The following STAB2 variants were observed in gnomAD, a reference collection of about 807,000 sequenced individuals.
The protein encoded by STAB2 is stabilin-2.
STAB2 carries 288 observed loss-of-function variants against 338.1 expected under a neutral mutation model. That is an observed-to-expected ratio of 0.85 (90% confidence interval 0.77 to 0.94). The LOEUF (loss-of-function observed/expected upper bound fraction) is 0.94. STAB2 is among the 40% of genes least tolerant of loss of function. The pLI is 0.00. For missense variants in STAB2, 3,141 were observed against 3,210.1 expected (o/e 0.98, Z 0.52); for synonymous variants, 1,202 against 1,193.3 (o/e 1.01, Z -0.15).
Position 103,590,882 on chromosome 12 carries a change from T to A in STAB2, c.82-15T>A. 1 of 1,613,966 alleles carries A rather than the reference T, an allele frequency of 6.2e-7. No individual in the cohort carries two copies. Among genetic ancestry groups the A allele is most frequent in the Non-Finnish European group, 8.5e-7 (1 of 1,179,948 alleles). ...ATAACAGGAATTAATGTTCTTTTTT[T>A]TAATATTTACACAGGCAAGAAGATG... On this transcript the variant is annotated splice_polypyrimidine_tract_variant and intron_variant, in intron 1 of 68. Transcript: ENST00000388887.
chr12:103,686,964 C>T (rs1195419969), intron 27 of STAB2, among the ~76,000 whole-genome samples: 1 of 152,190 alleles, frequency 6.6e-6, no homozygotes, highest in African/African-American at 2.4e-5. Flanking sequence ...ATTACTCAGG[C>T]ATCTCTGCTC....
At chr12:103,739,240 G>C (rs1368986398) in intron 53 of STAB2, among the ~76,000 whole-genome samples, 172 bp from the exon 54 acceptor site, 2 of 151,958 alleles carry the variant, frequency 1.3e-5, no homozygotes, top group South Asian at 4.2e-4. Flanking sequence ...GCCTCCCAAA[G>C]TGCTAGGATT....
At chr12:103,607,186 T>C (rs965414009) in intron 3 of STAB2, among the ~76,000 whole-genome samples, 4 of 152,182 alleles carry the variant, frequency 2.6e-5, no homozygotes, top group African/African-American at 9.7e-5. Flanking sequence ...CTTGGATCTA[T>C]GGGTTTATAC....
chr12:103,757,028 T>A (rs890159928), intron 63 of STAB2, among the ~76,000 whole-genome samples: 1 of 143,508 alleles, frequency 7.0e-6, no homozygotes, highest in African/African-American at 2.6e-5. Context: ...TATATATATA[T>A]ATAAAATATA....
intron 67 of STAB2, 166 bp from the exon 68 acceptor site, chr12:103,763,326 C>G (rs1481332095): frequency 1.6e-6 from 1 of 644,802 alleles, no homozygotes; most frequent in East Asian, 2.6e-5. Context: ...TGAGCTGAAT[C>G]TAAAGGTTGG....
chr12:103,615,994 G>A (rs1423518078), intron 3 of STAB2, among the ~76,000 whole-genome samples: 2 of 152,144 alleles, frequency 1.3e-5, no homozygotes, highest in South Asian at 4.1e-4. Context: ...ACCTAATGAG[G>A]AGGGCCTTGG....
intron 5 of STAB2, among the ~76,000 whole-genome samples, chr12:103,622,488 G>A (rs1175778220): frequency 6.6e-6 from 1 of 152,186 alleles, no homozygotes; most frequent in African/African-American, 2.4e-5. Context: ...TGCTGGGATT[G>A]GCCAAAACTC....
At chr12:103,652,488 G>A in intron 11 of STAB2, 68 bp from the exon 12 acceptor site, 1 of 1,417,258 alleles carries the variant, frequency 7.1e-7, no homozygotes, top group Non-Finnish European at 9.4e-7. Flanking sequence ...TAATAAGTAA[G>A]GCACAGCATG....
intron 57 of STAB2, among the ~76,000 whole-genome samples, chr12:103,745,771 T>C (rs1056730441): frequency 1.3e-5 from 2 of 152,344 alleles, no homozygotes; most frequent in African/African-American, 2.4e-5. Context: ...AACGCAAGGA[T>C]TGCTGGCAGG....
intron 34 of STAB2, among the ~76,000 whole-genome samples, chr12:103,699,469 A>G (rs10778278): frequency 0.3 from 45,468 of 152,180 alleles, 7,923 homozygotes; most frequent in East Asian, 0.41. Context: ...CACGTCTTTC[A>G]TGGATGGCAG....
intron 10 of STAB2, among the ~76,000 whole-genome samples, chr12:103,649,313 C>A (rs552197622): frequency 6.6e-6 from 1 of 152,124 alleles, no homozygotes; most frequent in South Asian, 2.1e-4. Context: ...CACCCTTGGT[C>A]CCCCAGTCAC....
chr12:103,685,187 G>A (rs1877287071), intron 27 of STAB2, 103 bp downstream of exon 27: 1 of 1,099,364 alleles, frequency 9.1e-7, no homozygotes, highest in East Asian at 2.4e-5. Flanking sequence ...TTTGCTGCAG[G>A]AGATTTTACA....
chr12:103,643,360 C>T (rs951887911), intron 9 of STAB2, among the ~76,000 whole-genome samples: 1 of 152,160 alleles, frequency 6.6e-6, no homozygotes, highest in Non-Finnish European at 1.5e-5. Context: ...ATGGTGCTCC[C>T]CACTCCTGGC....
chr12:103,672,611 T>C (rs979470028), intron 22 of STAB2, among the ~76,000 whole-genome samples: 2 of 152,200 alleles, frequency 1.3e-5, no homozygotes, highest in Non-Finnish European at 2.9e-5. Context: ...TCCTCTCCCA[T>C]GAGTCCCTTC....
rs1470910764 is a variant in STAB2 at position 103,750,586 on chromosome 12, A to T, written c.6446A>T (p.His2149Leu). Residue 2149 changes from histidine to leucine, a missense_variant, in exon 60 of 69, where the codon CAC (histidine) becomes CTC (leucine). Coordinates refer to ENST00000388887, the MANE Select transcript of STAB2 (RefSeq NM_017564.10). ...CCCACTCTCCCTCCACAGGGCAAGC[A>T]CAAGTGTGAGTGTAAAAGTCACTAT... is the stretch of plus-strand genomic sequence containing the variant. The part of the protein sequence containing the change: ...ATCKMTGPGK[H>L]KCECKSHYVG... The T allele has an allele frequency of 1.9e-6, 3 of 1,614,062 alleles. No homozygotes were observed. Among genetic ancestry groups the T allele is most frequent in the African/African-American group, 2.7e-5 (2 of 74,946 alleles).
intron 41 of STAB2, 146 bp from the exon 42 acceptor site, chr12:103,713,497 C>G (rs1880047916): frequency 9.9e-6 from 12 of 1,208,952 alleles, no homozygotes; most frequent in Non-Finnish European, 1.4e-5. Flanking sequence ...TTTACTTGCT[C>G]TCTGTTTTTG....
intron 67 of STAB2, 132 bp downstream of exon 67, chr12:103,762,534 G>A (rs915473609): frequency 5.6e-5 from 78 of 1,396,988 alleles, no homozygotes; most frequent in African/African-American, 1.8e-4. Flanking sequence ...TAGCAGGGGC[G>A]GCCACCCACC....
At chr12:103,602,910 A>C (rs1329349098) in intron 3 of STAB2, among the ~76,000 whole-genome samples, 1 of 152,164 alleles carries the variant, frequency 6.6e-6, no homozygotes, top group Admixed American at 6.5e-5. Flanking sequence ...GTTCAAATGT[A>C]TCATGCTTTT....
chr12:103,675,871 C>G (rs1876295547), intron 23 of STAB2, 57 bp from the exon 24 acceptor site: 4 of 1,421,888 alleles, frequency 2.8e-6, no homozygotes, highest in Non-Finnish European at 3.9e-6. Flanking sequence ...CTGGCTGGCT[C>G]TCTTCTGGGT....
Sources: allele counts gnomAD v4.1 joint callset (sites outside exome capture counted in the v4.1 genomes callset), GRCh38; gene constraint gnomAD v4.1.1; transcripts MANE v1.5; gene names NCBI Gene and HGNC (gene_info 2026-07-23, HGNC 2026-07-21).